GNA12: variants seen among roughly 807,000 people sequenced by gnomAD.
The protein encoded by GNA12 is guanine nucleotide-binding protein subunit alpha-12.
In GNA12, 9 loss-of-function variants were observed where a neutral mutation model predicts 26.0. That is an observed-to-expected ratio of 0.35 (90% CI 0.21 to 0.60). GNA12 has a LOEUF of 0.60. Among genes scored for constraint, GNA12 ranks in the 20% least tolerant of loss-of-function variants. The pLI, the probability that GNA12 is intolerant of heterozygous loss-of-function variation, is 0.78. For synonymous variants in GNA12, 264 were observed against 219.6 expected (o/e 1.20, Z -1.79); for missense variants, 405 against 525.8 (o/e 0.77, Z 2.25).
intron 2 of GNA12, chr7:2,762,320 C>T (rs1003184146): frequency 1.3e-5 from 4 of 312,690 alleles, no homozygotes; most frequent in African/African-American, 4.3e-5. Flanking sequence ...TCACGCCAGG[C>T]GCTGCGCGAC....
At chr7:2,780,897 CAT>C (rs1583275918) in intron 2 of GNA12, among the ~76,000 whole-genome samples, 1 of 152,212 alleles carries the variant, frequency 6.6e-6, no homozygotes, top group African/African-American at 2.4e-5. Context: ...ACTGGAAACA[CAT>C]ATCTTAACTT....
Position 2,843,854 on chromosome 7 carries a change from T to A in GNA12, c.308A>T (p.Lys103Met). The change falls in exon 1 of 4, where the codon AAG (lysine) becomes ATG (methionine). Residue 103 changes from lysine (K) to methionine (M), a missense_variant and splice_region_variant. By Grantham distance (95) the Lys-to-Met change is moderately conservative. Transcript: ENST00000275364. ...FRDTIFDNIL[K>M]GSRVLVDARD... The stretch of plus-strand genomic sequence containing the variant: ...TGCTGGGCGGGGGGCGCGCGTCACC[T>A]TGAGGATGTTGTCGAAGATGGTGTC... 6.6e-7 allele frequency: 1 copy of A among 1,513,756 alleles called. No individual in the cohort carries two copies. Among genetic ancestry groups the A allele is most frequent in the South Asian group, 1.2e-5 (1 of 80,928 alleles). 93.8% of individuals were successfully genotyped at this position (1,513,756 alleles called of 1,614,324 possible).
chr7:2,760,885 CA>C (rs1263444216), intron 2 of GNA12, among the ~76,000 whole-genome samples: 4 of 152,224 alleles, frequency 2.6e-5, no homozygotes, highest in Non-Finnish European at 5.9e-5. Context: ...ATCCTCACAG[CA>C]ATGTGGCTTC....
chr7:2,745,091 C>G (rs1473144381), intron 2 of GNA12, among the ~76,000 whole-genome samples: 2 of 152,216 alleles, frequency 1.3e-5, no homozygotes, highest in East Asian at 3.8e-4. Flanking sequence ...TTGGAAAACA[C>G]TCTGCAGGAT....
At chr7:2,775,838 C>A (rs1792063284) in intron 2 of GNA12, among the ~76,000 whole-genome samples, 4 of 152,236 alleles carry the variant, frequency 2.6e-5, no homozygotes, top group African/African-American at 9.6e-5. Flanking sequence ...GTCCTCCCCT[C>A]CCTTCATCCC....
intron 1 of GNA12, among the ~76,000 whole-genome samples, chr7:2,799,503 G>T (rs566843641): frequency 6.6e-6 from 1 of 152,254 alleles, no homozygotes; most frequent in African/African-American, 2.4e-5. Flanking sequence ...GATAGCTTGA[G>T]CCCAAGAGTT....
At chr7:2,823,972 C>T (rs999438850) in intron 1 of GNA12, among the ~76,000 whole-genome samples, 1 of 152,154 alleles carries the variant, frequency 6.6e-6, no homozygotes, top group African/African-American at 2.4e-5. Flanking sequence ...TACCATATGC[C>T]ACCACCATTC....
intron 2 of GNA12, among the ~76,000 whole-genome samples, chr7:2,742,797 A>C (rs1790576257): frequency 6.6e-6 from 1 of 152,250 alleles, no homozygotes; most frequent in Admixed American, 6.5e-5. Context: ...GGTGCTTCTT[A>C]AATGGCATCT....
intron 2 of GNA12, among the ~76,000 whole-genome samples, chr7:2,755,216 T>G (rs1791237942): frequency 2.0e-5 from 3 of 152,198 alleles, no homozygotes; most frequent in Admixed American, 2.0e-4. Context: ...TCCCACTTTA[T>G]TCTTTTTCAA....
chr7:2,796,517 T>G (rs1338668137), intron 1 of GNA12, among the ~76,000 whole-genome samples: 1 of 152,128 alleles, frequency 6.6e-6, no homozygotes, highest in Admixed American at 6.5e-5. Flanking sequence ...AAGATACAAC[T>G]GCTTCTTCCA....
At chr7:2,733,701 T>A (rs1790016215) in intron 2 of GNA12, among the ~76,000 whole-genome samples, 200 bp from the exon 3 acceptor site, 1 of 152,260 alleles carries the variant, frequency 6.6e-6, no homozygotes, top group African/African-American at 2.4e-5. Flanking sequence ...GCAGGTTCTT[T>A]AGCTCCAACC....
chr7:2,775,040 C>A (rs1792042925), intron 2 of GNA12, among the ~76,000 whole-genome samples: 1 of 152,214 alleles, frequency 6.6e-6, no homozygotes, highest in South Asian at 2.1e-4. Flanking sequence ...GGACTTTTCA[C>A]TATGTGATGA....
intron 2 of GNA12, among the ~76,000 whole-genome samples, chr7:2,744,113 A>T (rs1436311287): frequency 3.3e-5 from 5 of 152,198 alleles, no homozygotes; most frequent in African/African-American, 1.2e-4. Context: ...GACAAACAAA[A>T]AGACAGCAGT....
At position 2,813,460 on chromosome 7, in the gene GNA12, C is replaced by T. The variant is rs142691930; in HGVS notation, c.310-18317G>A. ...AGAAGTTCCCAGTCAGTGTAGCTTG[C>T]GTAAGGGGACATCACTGAGTGATGC... On this transcript the variant is annotated intron_variant, in intron 1 of 3. Coordinates refer to ENST00000275364, the MANE Select transcript of GNA12 (RefSeq NM_007353.3). 4.6e-5 allele frequency among the ~76,000 whole-genome samples: 7 copies of T among 152,288 alleles called. No homozygotes were observed. The South Asian group carries it at 6.2e-4, about 14-fold the overall frequency.
At chr7:2,815,387 C>T (rs1004165990) in intron 1 of GNA12, 2 of 177,586 alleles carry the variant, frequency 1.1e-5, no homozygotes, top group Admixed American at 1.2e-4. Context: ...CCCTGAGCTT[C>T]GCATTTTTGA....
intron 1 of GNA12, among the ~76,000 whole-genome samples, chr7:2,815,446 T>G (rs1467967728): frequency 2.0e-5 from 3 of 152,166 alleles, no homozygotes; most frequent in African/African-American, 7.2e-5. Context: ...GAGAGATGAC[T>G]CAGCGCAGGT....
At chr7:2,752,106 A>G (rs115534894) in intron 2 of GNA12, among the ~76,000 whole-genome samples, 36 of 152,320 alleles carry the variant, frequency 2.4e-4, no homozygotes, top group African/African-American at 8.7e-4. Flanking sequence ...ACAAAACTTT[A>G]GCAATTTAAA....
chr7:2,778,355 G>A (rs1021048274), intron 2 of GNA12, among the ~76,000 whole-genome samples: 3 of 152,150 alleles, frequency 2.0e-5, no homozygotes, highest in Admixed American at 6.5e-5. Flanking sequence ...CTGAGTCTCC[G>A]ATCACCACTT....
At chr7:2,746,115 A>G (rs1790750819) in intron 2 of GNA12, among the ~76,000 whole-genome samples, 1 of 152,192 alleles carries the variant, frequency 6.6e-6, no homozygotes, top group Non-Finnish European at 1.5e-5. Flanking sequence ...GATCAACGAG[A>G]CAGAAAGTTA....
Sources: allele counts gnomAD v4.1 joint callset (sites outside exome capture counted in the v4.1 genomes callset), GRCh38; gene constraint gnomAD v4.1.1; transcripts MANE v1.5; gene names NCBI Gene and HGNC (gene_info 2026-07-23, HGNC 2026-07-21).